The following TMEM169 variants were observed in gnomAD, a reference collection of about 807,000 sequenced individuals.
TMEM169 encodes transmembrane protein 169.
A neutral mutation model predicts 27.3 loss-of-function variants in TMEM169; 18 were observed. The ratio of observed to expected loss-of-function variants is 0.66; its 90% CI spans 0.46 to 0.98. The LOEUF is 0.98. Ranked by LOEUF, TMEM169 falls within the 50% of genes least tolerant of loss-of-function variation. The pLI is 0.00. For missense variants in TMEM169, 320 were observed against 368.6 expected (o/e 0.87, Z 1.08); for synonymous variants, 136 against 142.1 (o/e 0.96, Z 0.30).
At position 216,096,066 on chromosome 2, in the gene TMEM169, TCCACAA is replaced by T. The variant is rs1288772122; in HGVS notation, c.104_109del (p.Ser35_Met37delinsLeu). The T allele has an allele frequency of 6.2e-7, 1 of 1,613,986 alleles. No individual in the cohort carries two copies. The highest frequency in any genetic ancestry group is 8.5e-7 in the Non-Finnish European group (1 of 1,180,042). On this transcript the variant is annotated inframe_deletion, in exon 2 of 3. Transcript: ENST00000437356. The stretch of plus-strand genomic sequence containing the variant: ...TGCTGCCCTGGCGCTGGATGGGGAA[TCCACAA>T]TGGGGCACAGGAAAAAGAAGAGGAA...
At chr2:216,094,254 A>G (rs1028848145) in intron 1 of TMEM169, among the ~76,000 whole-genome samples, 7 of 152,094 alleles carry the variant, frequency 4.6e-5, no homozygotes, top group African/African-American at 1.7e-4. Context: ...AAAAGTGGGG[A>G]ATTTTTTGGT....
In TMEM169 at chr2:216,099,769, C is replaced by A; in HGVS notation, c.272-151C>A. The A allele has an allele frequency of 9.4e-7, 1 of 1,060,810 alleles. No homozygotes were observed. Among genetic ancestry groups the A allele is most frequent in the Non-Finnish European group, 1.4e-6 (1 of 733,096 alleles). The allele number at this position is 1,060,810 out of a possible 1,614,324, so 65.7% of individuals were successfully genotyped here. ...TGGTCACTCTCCCGAGGGAGACCCA[C>A]TCAGTCCGCCATTGAATCACTGACT... On this transcript the variant is annotated intron_variant, in intron 2 of 2. Transcript: ENST00000437356. The surrounding 1 kb of genome is among the most constrained non-coding windows in gnomAD (Gnocchi z 5.0).
intron 1 of TMEM169, among the ~76,000 whole-genome samples, chr2:216,090,598 T>C (rs1218879017): frequency 6.6e-6 from 1 of 152,132 alleles, no homozygotes; most frequent in East Asian, 1.9e-4. Context: ...GTTGAGAAAA[T>C]TCTATTCACA....
chr2:216,098,981 G>A (rs753743370), intron 2 of TMEM169, among the ~76,000 whole-genome samples: 10 of 151,192 alleles, frequency 6.6e-5, no homozygotes, highest in Non-Finnish European at 1.5e-5. Context: ...GCATGTGGGT[G>A]GGTATGTGTA....
chr2:216,087,870 T>C (rs746621450), intron 1 of TMEM169, among the ~76,000 whole-genome samples: 19 of 152,184 alleles, frequency 1.2e-4, no homozygotes, highest in Non-Finnish European at 2.5e-4. Context: ...ATAAAATTGT[T>C]GTACCTAGGC....
chr2:216,095,174 G>A (rs1380469513), intron 1 of TMEM169, among the ~76,000 whole-genome samples: 3 of 142,332 alleles, frequency 2.1e-5, no homozygotes, highest in Non-Finnish European at 3.0e-5. Flanking sequence ...TACAATCTCA[G>A]CTCACCAGGC....
chr2:216,091,367 G>T (rs1482138986), intron 1 of TMEM169, among the ~76,000 whole-genome samples: 2 of 152,038 alleles, frequency 1.3e-5, no homozygotes, highest in Non-Finnish European at 2.9e-5. Flanking sequence ...GAGCAGCCTG[G>T]CCAATATGGC....
intron 2 of TMEM169, 21 bp downstream of exon 2, chr2:216,096,255 T>C (rs1374062779): frequency 6.2e-7 from 1 of 1,601,966 alleles, no homozygotes; most frequent in Non-Finnish European, 8.5e-7. Context: ...CTAGCCCACT[T>C]GTTTAAAGCC....
Position 216,099,486 on chromosome 2 carries a change from A to G in TMEM169, c.272-434A>G, listed in dbSNP as rs1258485927. ...TGTGAGGGGCCCCCTCTCAGAAAGC[A>G]CAGAACTAGGCATGAGAAGGGAAGG... On this transcript the variant is annotated intron_variant, in intron 2 of 2. Transcript: ENST00000437356. This position sits in a 1 kb window ranked among gnomAD's most constrained non-coding sequence, Gnocchi z 5.0. Among the ~76,000 whole-genome samples the G allele has an allele frequency of 1.3e-5, 2 of 151,960 alleles. No individual in the cohort carries two copies. Among genetic ancestry groups the G allele is most frequent in the African/African-American group, 4.8e-5 (2 of 41,324 alleles).
At position 216,100,721 on chromosome 2, in the gene TMEM169, T is replaced by C; in HGVS notation, c.*179T>C. The C allele has an allele frequency of 1.2e-6, 1 of 808,616 alleles. No individual in the cohort carries two copies. Among genetic ancestry groups the C allele is most frequent in the South Asian group, 1.8e-5 (1 of 55,286 alleles). The allele number at this position is 808,616 out of a possible 1,614,324, so 50.1% of individuals were successfully genotyped here. On this transcript the variant is annotated 3_prime_UTR_variant, in exon 3 of 3. Transcript: ENST00000437356. ...AGGAGGGCATGGAGCAGACAAGCAA[T>C]TGTGCCAAAGCAGTTCACCCAATGG...
intron 1 of TMEM169, 41 bp from the exon 2 acceptor site, chr2:216,095,797 C>T: frequency 1.4e-6 from 1 of 697,652 alleles, no homozygotes. Flanking sequence ...CATCTCACCC[C>T]ATTTGCTTCC....
intron 1 of TMEM169, chr2:216,082,729 A>C (rs1695896162): frequency 6.6e-6 from 1 of 152,130 alleles, no homozygotes; most frequent in Admixed American, 6.6e-5. Context: ...CCCGCTCTGA[A>C]CCCACCAGAG....
intron 1 of TMEM169, among the ~76,000 whole-genome samples, chr2:216,087,132 A>G (rs1053234997): frequency 1.3e-5 from 2 of 151,804 alleles, no homozygotes; most frequent in African/African-American, 2.4e-5. Flanking sequence ...AGATGAAGAA[A>G]CCAACATAAG....
rs1179115493 is a variant in TMEM169 at position 216,099,088 on chromosome 2, TTATGTGTGTATGTTGCATG to T, written c.272-823_272-805del. Among the ~76,000 whole-genome samples the T allele has an allele frequency of 1.3e-5, 2 of 151,190 alleles. No homozygotes were observed. The highest frequency in any genetic ancestry group is 1.3e-4 in the Admixed American group (2 of 15,162). ...GATGTGTATGTGTGTGTGTGGTGTG[TTATGTGTGTATGTTGCATG>T]TATGTGTGATATGTATGGGTATGTG... On this transcript the variant is annotated intron_variant, in intron 2 of 2. Coordinates refer to ENST00000437356, the MANE Select transcript of TMEM169 (RefSeq NM_001142311.2). This position sits in a 1 kb window ranked among gnomAD's most constrained non-coding sequence, Gnocchi z 5.0.
Position 216,099,947 on chromosome 2 carries a change from G to A in TMEM169, c.299G>A (p.Arg100His), listed in dbSNP as rs770002384. 22 of 1,613,666 alleles carry A rather than the reference G, an allele frequency of 1.4e-5. No homozygotes were observed. The highest frequency in any genetic ancestry group is 1.6e-4 in the Middle Eastern group (1 of 6,078). Residue 100 changes from arginine to histidine, a missense_variant, in exon 3 of 3, where the codon CGC (arginine) becomes CAC (histidine). Coordinates refer to ENST00000437356, the MANE Select transcript of TMEM169 (RefSeq NM_001142311.2). The surrounding 1 kb of genome is among the most constrained non-coding windows in gnomAD (Gnocchi z 5.0). ...DDMWNLPLDS[R>H]YVTLTGTITR... ...ATGTGGAACCTGCCTCTGGACAGCC[G>A]CTACGTCACCTTAACTGGGACCATC... is the stretch of plus-strand genomic sequence containing the variant.
Position 216,101,609 on chromosome 2 carries a change from G to A in TMEM169, c.*1067G>A, listed in dbSNP as rs1029315789. ...TTCTTGTGCCTTGGCCTCCCCAGTA[G>A]CTGGGATTACAGGTGCGTGCCACCA... On this transcript the variant is annotated 3_prime_UTR_variant, in exon 3 of 3. Transcript: ENST00000437356. 5.3e-5 allele frequency: 8 copies of A among 152,212 alleles called. No individual in the cohort carries two copies. Among genetic ancestry groups the A allele is most frequent in the African/African-American group, 1.9e-4 (8 of 41,424 alleles). The allele number at this position is 152,212 out of a possible 1,614,324, so 9.4% of individuals were successfully genotyped here.
At position 216,100,623 on chromosome 2, in the gene TMEM169, T is replaced by C; in HGVS notation, c.*81T>C. 6.4e-7 allele frequency: 1 copy of C among 1,567,800 alleles called. No individual in the cohort carries two copies. The highest frequency in any genetic ancestry group is 8.7e-7 in the Non-Finnish European group (1 of 1,149,646). ...ATTCCAGCAGATTATTTCTTTAAATTACCCCCTACTCTCCGCAGTTCTTCT... is the reference window on the plus strand; with the variant it reads ...ATTCCAGCAGATTATTTCTTTAAATCACCCCCTACTCTCCGCAGTTCTTCT... On this transcript the variant is annotated 3_prime_UTR_variant, in exon 3 of 3. Transcript: ENST00000437356.
intron 2 of TMEM169, among the ~76,000 whole-genome samples, chr2:216,097,395 A>G (rs1045745794): frequency 3.3e-5 from 5 of 152,116 alleles, no homozygotes; most frequent in Admixed American, 6.6e-5. Context: ...TACTAAAAAT[A>G]CAAAAATTAG....
chr2:216,099,216 A>G lies in TMEM169; in HGVS notation c.272-704A>G, dbSNP rs182913045. Among the ~76,000 whole-genome samples the G allele has an allele frequency of 0.032, 4,728 of 145,718 alleles. 89 individuals carry two copies. The highest frequency in any genetic ancestry group is 0.05 in the Non-Finnish European group (3,306 of 66,188). ...CATGTGTGTGGTGTATGTGTTATGT[A>G]TGGTGTTTGGTATATGTGGTGTGGG... On this transcript the variant is annotated intron_variant, in intron 2 of 2. Transcript: ENST00000437356. This position sits in a 1 kb window ranked among gnomAD's most constrained non-coding sequence, Gnocchi z 5.0.
Sources: allele counts gnomAD v4.1 joint callset (sites outside exome capture counted in the v4.1 genomes callset), GRCh38; gene constraint gnomAD v4.1.1; non-coding constraint Gnocchi (gnomAD v3.1); transcripts MANE v1.5; gene names NCBI Gene and HGNC (gene_info 2026-07-23, HGNC 2026-07-21).